Variants in LRRN1 observed in about 807,000 individuals in gnomAD.
LRRN1 encodes leucine-rich repeat neuronal protein 1.
Under a neutral mutation model 45.8 loss-of-function variants are expected in LRRN1, and 14 were observed. The ratio of observed to expected loss-of-function variants is 0.31; its 90% CI spans 0.20 to 0.48. LRRN1 has a LOEUF of 0.48. Ranked by LOEUF, LRRN1 falls within the 20% of genes least tolerant of loss-of-function variation. The probability of loss-of-function intolerance (pLI) is 0.99; values close to 1 mark genes in which losing one functional copy is unlikely to be tolerated. For synonymous variants in LRRN1, 359 were observed against 330.1 expected, an observed-to-expected ratio of 1.09 and a Z score of -0.95; for missense variants, 789 against 874.2, an observed-to-expected ratio of 0.90 and a Z score of 1.23.
rs7648844 is a variant in LRRN1, at chr3:3,846,969, C to G, written c.*177C>G. The stretch of plus-strand genomic sequence containing the variant: ...TATAGCGTATCGCAAGGGTTTGACA[C>G]GGCTGCCAGCGACTCTAGGCTTCCA... On this transcript the variant is annotated 3_prime_UTR_variant, in exon 2 of 2. Coordinates refer to ENST00000319331, the MANE Select transcript of LRRN1 (RefSeq NM_020873.7). This position sits in a 1 kb window ranked among gnomAD's most constrained non-coding sequence, Gnocchi z 5.7. 5 of 490,118 alleles carry G rather than the reference C, an allele frequency of 1.0e-5. No homozygotes were observed. In the South Asian group the frequency reaches 2.2e-4, roughly 21 times the overall value. The allele number at this position is 490,118 out of a possible 1,614,324, so 30.4% of individuals were successfully genotyped here.
chr3:3,846,758 A>C lies in LRRN1; in HGVS notation c.2117A>C (p.Gln706Pro). ...GGTTCTGCAGACACCAAGCCAACCCAGGTCGACACATCCAGAAGCTATTAC... is the reference window on the plus strand; with the variant it reads ...GGTTCTGCAGACACCAAGCCAACCCCGGTCGACACATCCAGAAGCTATTAC... ...KDGSADTKPT[Q>P]VDTSRSYYMW is the part of the protein sequence containing the mutation. The change falls in exon 2 of 2, where the codon CAG becomes CCG. Residue 706 changes from glutamine to proline, a missense_variant. By Grantham distance (76) the Gln-to-Pro change is moderately conservative (BLOSUM62 -1). Coordinates refer to ENST00000319331, the MANE Select transcript of LRRN1 (RefSeq NM_020873.7). This position sits in a 1 kb window ranked among gnomAD's most constrained non-coding sequence, Gnocchi z 5.7. 1 of 1,612,300 alleles carries C rather than the reference A, an allele frequency of 6.2e-7. No individual in the cohort carries two copies.
Position 3,846,777 on chromosome 3 carries a change from C to T in LRRN1, c.2136C>T (p.Ser712=), listed in dbSNP as rs747371441. ...CAACCCAGGTCGACACATCCAGAAG[C>T]TATTACATGTGGTAACTCAGAGGAT... ...TKPTQVDTSR[S]YYMW is the part of the protein sequence containing the mutation. The change falls in exon 2 of 2, where the codon AGC becomes AGT. Residue 712 remains serine, a synonymous_variant. Coordinates refer to ENST00000319331, the MANE Select transcript of LRRN1 (RefSeq NM_020873.7). This position sits in a 1 kb window ranked among gnomAD's most constrained non-coding sequence, Gnocchi z 5.7. 3.7e-5 allele frequency: 60 copies of T among 1,603,386 alleles called. No homozygotes were observed. The highest frequency in any genetic ancestry group is 1.9e-4 in the Admixed American group (11 of 57,556).
chr3:3,808,976 C>T (rs1692821768), intron 1 of LRRN1, among the ~76,000 whole-genome samples: 1 of 152,122 alleles, frequency 6.6e-6, no homozygotes, highest in Admixed American at 6.5e-5. Flanking sequence ...CCCTTACCAT[C>T]TCACTGCCTA....
intron 1 of LRRN1, among the ~76,000 whole-genome samples, chr3:3,804,676 C>T (rs1460458112): frequency 1.3e-5 from 2 of 152,190 alleles, no homozygotes; most frequent in African/African-American, 4.8e-5. Context: ...GCTGTCCTAG[C>T]TCACATCTAT....
chr3:3,844,789 TAC>T lies in LRRN1; in HGVS notation c.150_151del (p.Tyr50Ter). 6.2e-7 allele frequency: 1 copy of T among 1,614,188 alleles called. No homozygotes were observed. Among genetic ancestry groups the T allele is most frequent in the Non-Finnish European group, 8.5e-7 (1 of 1,180,014 alleles). On this transcript the variant is annotated frameshift_variant, in exon 2 of 2. Coordinates refer to ENST00000319331, the MANE Select transcript of LRRN1 (RefSeq NM_020873.7). LOFTEE classifies it high-confidence loss of function. ...IRPWFTPQST[Y>X]REATTVDCND... is the part of the protein sequence containing the mutation. ...TCCCTGGTTTACCCCACAGTCAACTTACAGAGAAGCCACCACTGTTGATTGCA... is the reference window on the plus strand; with the variant it reads ...TCCCTGGTTTACCCCACAGTCAACTTAGAGAAGCCACCACTGTTGATTGCA...
chr3:3,801,126 GCCGCGGCCCCA>G (rs1462737165), intron 1 of LRRN1: 2 of 152,322 alleles, frequency 1.3e-5, no homozygotes, highest in Admixed American at 6.5e-5. Flanking sequence ...CGTGTCCACC[GCCGCGGCCCCA>G]GCGCCAAGAA....
intron 1 of LRRN1, among the ~76,000 whole-genome samples, chr3:3,806,933 G>A (rs1406558881): frequency 3.3e-5 from 5 of 152,142 alleles, no homozygotes; most frequent in African/African-American, 9.7e-5. Flanking sequence ...CATCTAGGGG[G>A]AGACTGGAGG....
chr3:3,817,160 T>C (rs1316936152), intron 1 of LRRN1, among the ~76,000 whole-genome samples: 1 of 152,192 alleles, frequency 6.6e-6, no homozygotes, highest in Non-Finnish European at 1.5e-5. Flanking sequence ...TCCCTGTCTT[T>C]GGCCACTTCC....
intron 1 of LRRN1, among the ~76,000 whole-genome samples, chr3:3,839,274 GTCTTGGCACCCTTGTCAAA>G (rs1693593722): frequency 6.6e-6 from 1 of 152,046 alleles, no homozygotes; most frequent in Non-Finnish European, 1.5e-5. Flanking sequence ...TTATTGTATA[GTCTTGGCACCCTTGTCAAA>G]GATCATAAAG....
intron 1 of LRRN1, chr3:3,822,678 T>C (rs989188197): frequency 2.0e-5 from 3 of 152,196 alleles, no homozygotes; most frequent in African/African-American, 7.2e-5. Flanking sequence ...ATAACTAGAA[T>C]GCAAATATTT....
At chr3:3,834,553 T>TA (rs1553563059) in intron 1 of LRRN1, among the ~76,000 whole-genome samples, 19 of 18,726 alleles carry the variant, frequency 1.0e-3, no homozygotes, top group Non-Finnish European at 2.0e-3. Context: ...TATATATATA[T>TA]GATATATATA....
chr3:3,799,982 C>CA (rs1559274098), intron 1 of LRRN1, 63 bp downstream of exon 1: 1 of 153,818 alleles, frequency 6.5e-6, no homozygotes, highest in African/African-American at 2.4e-5. Context: ...GAAGTCGAGG[C>CA]AAACTTGGTG....
chr3:3,808,176 A>C (rs1490493111), intron 1 of LRRN1, among the ~76,000 whole-genome samples: 1 of 151,686 alleles, frequency 6.6e-6, no homozygotes, highest in Non-Finnish European at 1.5e-5. Flanking sequence ...TCGAGAGGAA[A>C]ATATTACATA....
chr3:3,817,670 G>A (rs180783687), intron 1 of LRRN1, among the ~76,000 whole-genome samples: 128 of 151,462 alleles, frequency 8.5e-4, no homozygotes, highest in African/African-American at 2.9e-3. Context: ...AAAGGCTCCC[G>A]TCTTAAGGAC....
At chr3:3,801,991 T>C (rs1216476653) in intron 1 of LRRN1, among the ~76,000 whole-genome samples, 1 of 152,206 alleles carries the variant, frequency 6.6e-6, no homozygotes, top group East Asian at 1.9e-4. Context: ...ATCGTTGTCG[T>C]TGACCGACAT....
intron 1 of LRRN1, among the ~76,000 whole-genome samples, chr3:3,837,140 C>T (rs906610427): frequency 6.6e-6 from 1 of 152,154 alleles, no homozygotes; most frequent in African/African-American, 2.4e-5. Flanking sequence ...AAAAGTCTTC[C>T]TTAGGAGTGC....
At chr3:3,803,308 A>T (rs1487408492) in intron 1 of LRRN1, among the ~76,000 whole-genome samples, 2 of 151,438 alleles carry the variant, frequency 1.3e-5, no homozygotes, top group African/African-American at 2.4e-5. Flanking sequence ...TAATAATGAT[A>T]AATAATCAGA....
intron 1 of LRRN1, among the ~76,000 whole-genome samples, chr3:3,813,136 G>C (rs1003616630): frequency 1.5e-4 from 23 of 152,162 alleles, no homozygotes; most frequent in African/African-American, 5.3e-4. Flanking sequence ...AACTCATTGT[G>C]TAAAATGCAC....
chr3:3,814,826 TCTC>T (rs1429643314), intron 1 of LRRN1, among the ~76,000 whole-genome samples: 1 of 152,106 alleles, frequency 6.6e-6, no homozygotes, highest in South Asian at 2.1e-4. Flanking sequence ...AGACACCACA[TCTC>T]CTGGTATATT....
Sources: allele counts gnomAD v4.1 joint callset (sites outside exome capture counted in the v4.1 genomes callset), GRCh38; gene constraint gnomAD v4.1.1; non-coding constraint Gnocchi (gnomAD v3.1); transcripts MANE v1.5; gene names NCBI Gene and HGNC (gene_info 2026-07-23, HGNC 2026-07-21).